RAB3IL1: variants seen among roughly 807,000 people sequenced by gnomAD.
RAB3IL1 encodes the protein guanine nucleotide exchange factor for Rab-3A.
A neutral mutation model predicts 49.2 loss-of-function variants in RAB3IL1; 37 were observed. That is an observed-to-expected ratio of 0.75 (90% CI 0.58 to 0.99). The LOEUF is 0.99. RAB3IL1 is among the 50% of genes least tolerant of loss of function. RAB3IL1 has a pLI of 0.00. For missense variants in RAB3IL1, 484 were observed against 513.0 expected (o/e 0.94, Z 0.55); for synonymous variants, 193 against 213.9 (o/e 0.90, Z 0.85).
upstream of RAB3IL1, among the ~76,000 whole-genome samples, chr11:61,920,635 T>A (rs897323798): frequency 6.6e-6 from 1 of 152,182 alleles, no homozygotes; most frequent in Non-Finnish European, 1.5e-5. Flanking sequence ...CTTAAAACTT[T>A]GTTATTGGTG....
At chr11:61,927,582 G>A in the RAB3IL1 span, among the ~76,000 whole-genome samples, 1 of 152,130 alleles carries the variant, frequency 6.6e-6, no homozygotes. Context: ...ATCTTGTGGG[G>A]CTTTGTATGT....
chr11:61,899,275 C>T (rs752308651), intron 9 of RAB3IL1, 39 bp downstream of exon 9: 15 of 1,585,618 alleles, frequency 9.5e-6, no homozygotes, highest in Non-Finnish European at 1.2e-5. Context: ...GCCCCACTCC[C>T]GTGTGCGATC....
chr11:61,917,697 G>C, upstream of RAB3IL1: 1 of 410,124 alleles, frequency 2.4e-6, no homozygotes, highest in South Asian at 1.0e-4. Flanking sequence ...GGGAGACCAC[G>C]GCGCTCGGAG....
chr11:61,909,955 A>C (rs1253769366), intron 1 of RAB3IL1, among the ~76,000 whole-genome samples: 1 of 152,194 alleles, frequency 6.6e-6, no homozygotes, highest in African/African-American at 2.4e-5. Flanking sequence ...AAAAATACAA[A>C]AATTAGCCGG....
chr11:61,905,525 G>A (rs1939139869), intron 5 of RAB3IL1, among the ~76,000 whole-genome samples: 1 of 152,164 alleles, frequency 6.6e-6, no homozygotes, highest in Non-Finnish European at 1.5e-5. Flanking sequence ...AGAGCAGCGG[G>A]GCCAGCCCGG....
In RAB3IL1 at chr11:61,908,302, G is replaced by T; in HGVS notation, c.16C>A (p.Pro6Thr). 6.8e-7 allele frequency: 1 copy of T among 1,472,956 alleles called. No homozygotes were observed. Among genetic ancestry groups the T allele is most frequent in the Non-Finnish European group, 9.0e-7 (1 of 1,116,044 alleles). 91.2% of individuals were successfully genotyped at this position (1,472,956 alleles called of 1,614,324 possible). Residue 6 changes from proline (P) to threonine (T), a missense_variant, in exon 2 of 10, where the codon CCC (proline) becomes ACC (threonine). Physicochemically the swap from Pro to Thr is conservative, Grantham distance 38. Coordinates refer to ENST00000394836, the MANE Select transcript of RAB3IL1 (RefSeq NM_013401.4). ...GGCGGGAGGCCCTGGTCTGGCTGGGGTGGGCTGGAGACAAACAAGGGTATC... is the reference window on the plus strand; with the variant it reads ...GGCGGGAGGCCCTGGTCTGGCTGGGTTGGGCTGGAGACAAACAAGGGTATC... Reference protein sequence around the residue: MWSGPPQPDQGLPPPL... With the variant: MWSGPTQPDQGLPPPL...
At chr11:61,922,831 C>T (rs1177195787), upstream of RAB3IL1, among the ~76,000 whole-genome samples, 1 of 152,238 alleles carries the variant, frequency 6.6e-6, no homozygotes, top group Non-Finnish European at 1.5e-5. Flanking sequence ...TGGCCTGCTC[C>T]CACCCGCTTC....
the RAB3IL1 span, among the ~76,000 whole-genome samples, chr11:61,928,841 CAT>C: frequency 1.3e-5 from 2 of 152,172 alleles, no homozygotes; most frequent in Non-Finnish European, 2.9e-5. Context: ...ATCACCAGCA[CAT>C]AAAGATGCTA....
At chr11:61,934,446 G>GTGTGTGTATATA in the RAB3IL1 span, among the ~76,000 whole-genome samples, 24 of 24,368 alleles carry the variant, frequency 9.8e-4, no homozygotes, top group Non-Finnish European at 2.0e-3. Context: ...GTGTGTGTGT[G>GTGTGTGTATATA]TATGTATATA....
chr11:61,913,726 T>G (rs1939561746), intron 1 of RAB3IL1, among the ~76,000 whole-genome samples: 1 of 152,212 alleles, frequency 6.6e-6, no homozygotes, highest in Non-Finnish European at 1.5e-5. Flanking sequence ...GTGTGTATAC[T>G]GAGCACCCAT....
chr11:61,941,549 G>A, the RAB3IL1 span, among the ~76,000 whole-genome samples: 215 of 152,192 alleles, frequency 1.4e-3, 2 homozygotes, highest in Admixed American at 5.1e-3. Flanking sequence ...TCAGGAGATC[G>A]AGACCATCCT....
rs764645174 is a variant in RAB3IL1 at position 61,908,150 on chromosome 11, G to A, written c.168C>T (p.Ala56=). 72 of 1,572,964 alleles carry A rather than the reference G, an allele frequency of 4.6e-5. No individual in the cohort carries two copies. Among genetic ancestry groups the A allele is most frequent in the Non-Finnish European group, 5.6e-5 (65 of 1,161,836 alleles). Residue 56 remains alanine (A), a synonymous_variant, in exon 2 of 10, where the codon GCC becomes GCT. Transcript: ENST00000394836. ...GCAGGCGCAACACGTCCAGCTGGGC[G>A]GCTGCGGGGCCCTCCTGGCCTTGGG... ...EEAQGQEGPA[A]AQLDVLRLRS...
Position 61,906,505 on chromosome 11 carries a change from A to T in RAB3IL1, c.618T>A (p.Ala206=). 6.4e-7 allele frequency: 1 copy of T among 1,550,518 alleles called. No individual in the cohort carries two copies. The highest frequency in any genetic ancestry group is 8.7e-7 in the Non-Finnish European group (1 of 1,149,084). ...TGTCTGGGGTGAGGGTGTGTCCCGC[A>T]GCGGGACACACGGCGGGGCAGAGGG... The part of the protein sequence containing the change: ...SSTLCPAVCP[A]AGHTLTPDRE... Residue 206 remains alanine (A), a synonymous_variant, in exon 5 of 10, where the codon GCT becomes GCA. Coordinates refer to ENST00000394836, the MANE Select transcript of RAB3IL1 (RefSeq NM_013401.4). The surrounding 1 kb of genome is among the most constrained non-coding windows in gnomAD (Gnocchi z 4.6).
At chr11:61,918,980 G>A (rs1167209775), upstream of RAB3IL1, among the ~76,000 whole-genome samples, 4 of 152,174 alleles carry the variant, frequency 2.6e-5, no homozygotes, top group Admixed American at 2.6e-4. Flanking sequence ...CCAGCTCAGG[G>A]TCTGGCCCAC....
chr11:61,944,246 C>CCTTCCTTT, the RAB3IL1 span, among the ~76,000 whole-genome samples: 8 of 143,438 alleles, frequency 5.6e-5, no homozygotes, highest in African/African-American at 2.0e-4. Context: ...TTCCTTCCTT[C>CCTTCCTTT]CTTCCTTCCT....
At chr11:61,913,833 C>G (rs910301474) in intron 1 of RAB3IL1, among the ~76,000 whole-genome samples, 3 of 152,178 alleles carry the variant, frequency 2.0e-5, no homozygotes, top group Admixed American at 2.0e-4. Flanking sequence ...ATCTCCCTCC[C>G]GCTACCTCAT....
In RAB3IL1 at chr11:61,907,639, C is replaced by T; in HGVS notation, c.286G>A (p.Glu96Lys). The T allele has an allele frequency of 5.6e-6, 9 of 1,614,134 alleles. No individual in the cohort carries two copies. The highest frequency in any genetic ancestry group is 1.3e-5 in the African/African-American group (1 of 75,046). ...AQKELKLKDEECERLSKVREQ... is the reference protein window; with the variant it reads ...AQKELKLKDEKCERLSKVREQ... Reference sequence around the variant, plus strand: ...CGCACCTTGGACAGCCGCTCACATTCCTCGTCCTTTAGCTTCAGCTCCTGG... The same window carrying T: ...CGCACCTTGGACAGCCGCTCACATTTCTCGTCCTTTAGCTTCAGCTCCTGG... Residue 96 changes from glutamate to lysine, a missense_variant, in exon 3 of 10, where the codon GAA becomes AAA. Coordinates refer to ENST00000394836, the MANE Select transcript of RAB3IL1 (RefSeq NM_013401.4).
At chr11:61,900,395 GA>G (rs1469401639) in intron 8 of RAB3IL1, among the ~76,000 whole-genome samples, 1 of 152,256 alleles carries the variant, frequency 6.6e-6, no homozygotes, top group Non-Finnish European at 1.5e-5. Context: ...GACATCAAGT[GA>G]GAGGGGCACC....
At position 61,898,885 on chromosome 11, in the gene RAB3IL1, G is replaced by A. The variant is rs1433575313; in HGVS notation, c.1066+429C>T. On this transcript the variant is annotated intron_variant, in intron 9 of 9. Coordinates refer to ENST00000394836, the MANE Select transcript of RAB3IL1 (RefSeq NM_013401.4). This position sits in a 1 kb window ranked among gnomAD's most constrained non-coding sequence, Gnocchi z 5.1. The stretch of plus-strand genomic sequence containing the variant: ...CTGGTTCAGGAGAAGACTCAGCAGC[G>A]AGCAAAGGTTGGTGGAGGAGCGGGG... The A allele has an allele frequency of 8.5e-6, 4 of 471,438 alleles. No individual in the cohort carries two copies. The highest frequency in any genetic ancestry group is 1.5e-5 in the South Asian group (1 of 64,694). The allele number at this position is 471,438 out of a possible 1,614,324, so 29.2% of individuals were successfully genotyped here.
Sources: gnomAD v4.1 joint callset for allele counts (sites outside exome capture counted in the v4.1 genomes callset) on GRCh38, gnomAD v4.1.1 for gene constraint, Gnocchi (gnomAD v3.1) non-coding constraint, MANE v1.5 for transcripts, NCBI Gene and HGNC (gene_info 2026-07-23, HGNC 2026-07-21) for gene names.